CPED1: variants seen among roughly 807,000 people sequenced by gnomAD.
The protein encoded by CPED1 is cadherin like and PC-esterase domain containing 1, also known as cadherin-like and PC-esterase domain-containing protein 1.
CPED1 carries 114 observed loss-of-function variants against 128.2 expected under a neutral mutation model. That is an observed-to-expected ratio of 0.89 (90% CI 0.76 to 1.04). The LOEUF is 1.04. Ranked by LOEUF, CPED1 falls within the 50% of genes least tolerant of loss-of-function variation. The probability of loss-of-function intolerance (pLI) is 0.00; values close to 1 mark genes in which losing one functional copy is unlikely to be tolerated. For synonymous variants in CPED1, 462 were observed against 426.7 expected (o/e 1.08, Z -1.02); for missense variants, 1,211 against 1,207.1 (o/e 1.00, Z -0.05).
chr7:121,191,510 T>G (rs1416017301), intron 16 of CPED1, among the ~76,000 whole-genome samples: 1 of 152,146 alleles, frequency 6.6e-6, no homozygotes, highest in Non-Finnish European at 1.5e-5. Context: ...AACACAATTA[T>G]GTACAATCTG....
chr7:121,112,274 G>A (rs1795130555), intron 7 of CPED1, among the ~76,000 whole-genome samples: 1 of 152,196 alleles, frequency 6.6e-6, no homozygotes, highest in Non-Finnish European at 1.5e-5. Flanking sequence ...AAGGGCCTTG[G>A]CAGGTGTAAT....
chr7:121,188,302 T>C (rs1369679122), intron 16 of CPED1, among the ~76,000 whole-genome samples: 1 of 152,134 alleles, frequency 6.6e-6, no homozygotes, highest in Non-Finnish European at 1.5e-5. Context: ...ACATAGTAGG[T>C]ATATATACAT....
chr7:121,091,714 C>T (rs1794574890), intron 5 of CPED1, among the ~76,000 whole-genome samples: 1 of 152,142 alleles, frequency 6.6e-6, no homozygotes, highest in Admixed American at 6.5e-5. Flanking sequence ...TATTACTATT[C>T]TTATTATTCT....
chr7:121,254,882 A>G (rs1798767232), intron 18 of CPED1, among the ~76,000 whole-genome samples: 1 of 150,918 alleles, frequency 6.6e-6, no homozygotes, highest in East Asian at 1.9e-4. Flanking sequence ...ATAGACCAAT[A>G]TTGAGCTCTG....
At chr7:121,105,098 G>T (rs1399065711) in intron 7 of CPED1, among the ~76,000 whole-genome samples, 1 of 152,060 alleles carries the variant, frequency 6.6e-6, no homozygotes, top group Admixed American at 6.6e-5. Flanking sequence ...AGTGCTTGCA[G>T]TTCCCTCTCA....
chr7:121,196,818 T>C (rs1376735807), intron 16 of CPED1, among the ~76,000 whole-genome samples: 1 of 152,050 alleles, frequency 6.6e-6, no homozygotes, highest in Non-Finnish European at 1.5e-5. Flanking sequence ...TTTTTTCAGC[T>C]TTATTTTTAA....
chr7:121,193,722 C>T (rs1275298087), intron 16 of CPED1, among the ~76,000 whole-genome samples: 1 of 151,998 alleles, frequency 6.6e-6, no homozygotes, highest in Non-Finnish European at 1.5e-5. Context: ...GTTAACTCTA[C>T]AGAGGAGGAA....
At chr7:121,031,004 G>A (rs1792714843) in intron 3 of CPED1, among the ~76,000 whole-genome samples, 1 of 152,202 alleles carries the variant, frequency 6.6e-6, no homozygotes. Flanking sequence ...CATAAATGGT[G>A]GAGTTGACGC....
intron 2 of CPED1, among the ~76,000 whole-genome samples, chr7:121,012,178 G>A (rs1019270534): frequency 6.6e-6 from 1 of 152,144 alleles, no homozygotes; most frequent in African/African-American, 2.4e-5. Context: ...AATGCTCCCA[G>A]TACTTTATGA....
intron 3 of CPED1, among the ~76,000 whole-genome samples, chr7:121,021,922 T>G (rs777317106): frequency 2.0e-5 from 3 of 151,980 alleles, no homozygotes; most frequent in Admixed American, 6.6e-5. Flanking sequence ...TTATTATGGG[T>G]AAAATGAACT....
chr7:121,126,075 A>C (rs1795497483), intron 9 of CPED1, among the ~76,000 whole-genome samples, 183 bp downstream of exon 9: 1 of 152,176 alleles, frequency 6.6e-6, no homozygotes, highest in Non-Finnish European at 1.5e-5. Flanking sequence ...CTATGAGTCC[A>C]ATCCTGCCTA....
intron 16 of CPED1, among the ~76,000 whole-genome samples, chr7:121,176,216 A>AAC (rs140183112): frequency 0.072 from 6,662 of 92,890 alleles, 656 homozygotes; most frequent in African/African-American, 0.13. Context: ...AAAAAAAAAA[A>AAC]CACCTCTGGA....
intron 16 of CPED1, among the ~76,000 whole-genome samples, chr7:121,142,752 C>A (rs1795935816): frequency 6.6e-6 from 1 of 151,960 alleles, no homozygotes; most frequent in Non-Finnish European, 1.5e-5. Flanking sequence ...CCTATTTTTG[C>A]TCTTTTAAGG....
chr7:121,139,889 A>G (rs890725539), intron 14 of CPED1, among the ~76,000 whole-genome samples: 4 of 152,084 alleles, frequency 2.6e-5, no homozygotes, highest in Admixed American at 6.6e-5. Context: ...CAACACCAAG[A>G]TACTTCAATT....
chr7:121,026,714 G>T (rs1792595939), intron 3 of CPED1, among the ~76,000 whole-genome samples: 1 of 151,098 alleles, frequency 6.6e-6, no homozygotes, highest in South Asian at 2.1e-4. Context: ...TACATGGCTA[G>T]GGAGGATAAC....
Position 121,130,284 on chromosome 7 carries a change from C to A in CPED1, c.1567C>A (p.Pro523Thr), listed in dbSNP as rs760108194. Residue 523 changes from proline to threonine, a missense_variant, in exon 12 of 23, where the codon CCA (proline) becomes ACA (threonine). By Grantham distance (38) the Pro-to-Thr change is conservative (BLOSUM62 -1). Transcript: ENST00000310396. ...QFMNKKTQPH[P>T]LEWNSFTEDK... ...CATGAATAAAAAGACACAGCCACATCCACTGGAATGGTAAGATAGCCACAA... is the reference window on the plus strand; with the variant it reads ...CATGAATAAAAAGACACAGCCACATACACTGGAATGGTAAGATAGCCACAA... 3.8e-6 allele frequency: 6 copies of A among 1,598,486 alleles called. No homozygotes were observed. Among genetic ancestry groups the A allele is most frequent in the Non-Finnish European group, 5.1e-6 (6 of 1,174,578 alleles).
In CPED1 at chr7:121,271,298, C is replaced by T. The variant is rs1792223877; in HGVS notation, c.2736C>T (p.Asn912=). The change falls in exon 22 of 23, where the codon AAC becomes AAT. Residue 912 remains asparagine (N), a synonymous_variant. Transcript: ENST00000310396. ...TTTCCAATCAGAGTGAAGTACAGAA[C>T]TTATGGAAAGAAAATTTGATTATTC... ...VHFLTQSEVQ[N]LWKENLIILD... 1.9e-6 allele frequency: 3 copies of T among 1,610,956 alleles called. No homozygotes were observed. In the East Asian group the frequency reaches 6.7e-5, roughly 36 times the overall value.
chr7:121,068,390 G>T (rs1793903857), intron 5 of CPED1, among the ~76,000 whole-genome samples: 1 of 151,910 alleles, frequency 6.6e-6, no homozygotes, highest in Non-Finnish European at 1.5e-5. Flanking sequence ...CCCATTGCTT[G>T]TTTTTGTCAG....
intron 11 of CPED1, among the ~76,000 whole-genome samples, chr7:121,129,056 A>G (rs1401988377): frequency 6.6e-6 from 1 of 151,710 alleles, no homozygotes; most frequent in Non-Finnish European, 1.5e-5. Flanking sequence ...TTCCTTGGTT[A>G]GTATCAAAGG....
Sources: allele counts gnomAD v4.1 joint callset (sites outside exome capture counted in the v4.1 genomes callset), GRCh38; gene constraint gnomAD v4.1.1; transcripts MANE v1.5; gene names NCBI Gene and HGNC (gene_info 2026-07-23, HGNC 2026-07-21).